The following SHQ1 variants were observed in gnomAD, a reference collection of about 807,000 sequenced individuals.
SHQ1 encodes the protein protein SHQ1 homolog.
A neutral mutation model predicts 53.8 loss-of-function variants in SHQ1; 49 were observed. The ratio of observed to expected loss-of-function variants is 0.91; its 90% CI spans 0.72 to 1.16. The LOEUF (loss-of-function observed/expected upper bound fraction) is 1.16. Among genes scored for constraint, SHQ1 ranks in the 50% most tolerant of loss-of-function variants. The probability of loss-of-function intolerance (pLI) is 0.00; values close to 1 mark genes in which losing one functional copy is unlikely to be tolerated. For synonymous variants in SHQ1, 243 were observed against 251.0 expected, an observed-to-expected ratio of 0.97 and a Z score of 0.30; for missense variants, 738 against 683.1, an observed-to-expected ratio of 1.08 and a Z score of -0.90.
At chr3:72,821,820 T>C (rs923076500) in intron 6 of SHQ1, among the ~76,000 whole-genome samples, 1 of 152,232 alleles carries the variant, frequency 6.6e-6, no homozygotes, top group South Asian at 2.1e-4. Context: ...TTTTCCCCCA[T>C]ATTTTATCCT....
At chr3:72,762,802 A>T (rs1448059120) in intron 10 of SHQ1, among the ~76,000 whole-genome samples, 1 of 151,866 alleles carries the variant, frequency 6.6e-6, no homozygotes, top group East Asian at 1.9e-4. Context: ...AGCCTCCCGA[A>T]TAATGGGGAT....
chr3:72,821,007 C>T lies in SHQ1; in HGVS notation c.727+3417G>A, dbSNP rs370135124. Among the ~76,000 whole-genome samples, 8 of 152,332 alleles carry T rather than the reference C, an allele frequency of 5.3e-5. No individual in the cohort carries two copies. The South Asian group carries it at 1.7e-3, about 32-fold the overall frequency. On this transcript the variant is annotated intron_variant, in intron 6 of 10. Transcript: ENST00000325599. ...TTCCTCTCTAAATCCCCCTCCCAAA[C>T]ATCCCTCTTATCTGGGTCAACAATT...
intron 10 of SHQ1, among the ~76,000 whole-genome samples, chr3:72,751,494 G>GTACATA (rs1431742565): frequency 6.2e-5 from 6 of 97,552 alleles, no homozygotes; most frequent in African/African-American, 3.3e-4. Context: ...GTGTGTGTGT[G>GTACATA]TGTGTGTGTG....
chr3:72,792,784 CAAAAAAA>C (rs59948195), intron 10 of SHQ1, 125 bp downstream of exon 10: 31 of 258,854 alleles, frequency 1.2e-4, no homozygotes, highest in African/African-American at 2.7e-4. Flanking sequence ...ACCTCCATCT[CAAAAAAA>C]AAAAAAAAAA....
intron 10 of SHQ1, chr3:72,752,912 C>G (rs1705418876): frequency 1.2e-6 from 1 of 869,330 alleles, no homozygotes; most frequent in South Asian, 5.3e-5. Context: ...ATCCACCTAC[C>G]TCGGCCTCCC....
At chr3:72,812,913 C>A (rs1707171895) in intron 8 of SHQ1, 119 bp from the exon 9 acceptor site, 2 of 1,020,938 alleles carry the variant, frequency 2.0e-6, no homozygotes, top group Non-Finnish European at 2.9e-6. Context: ...ATTGTGAAGC[C>A]AAGTAGAAGA....
chr3:72,803,356 T>C (rs1326824768), intron 9 of SHQ1, among the ~76,000 whole-genome samples: 1 of 152,202 alleles, frequency 6.6e-6, no homozygotes, highest in Non-Finnish European at 1.5e-5. Context: ...CATTAGTCTC[T>C]ATTTCCTTAA....
At chr3:72,817,540 A>G (rs1198153757) in intron 6 of SHQ1, among the ~76,000 whole-genome samples, 156 bp from the exon 7 acceptor site, 1 of 152,246 alleles carries the variant, frequency 6.6e-6, no homozygotes, top group African/African-American at 2.4e-5. Context: ...TAGACTTCAC[A>G]GTTTTAGTAA....
downstream of SHQ1, among the ~76,000 whole-genome samples, chr3:72,749,114 C>T (rs1000983311): frequency 2.6e-5 from 4 of 152,162 alleles, no homozygotes; most frequent in African/African-American, 7.2e-5. Flanking sequence ...GACTGGAACT[C>T]GCATAAACTA....
In SHQ1 at chr3:72,842,359, A is replaced by C; in HGVS notation, c.252T>G (p.His84Gln). The C allele has an allele frequency of 1.2e-6, 2 of 1,613,750 alleles. No homozygotes were observed. The highest frequency in any genetic ancestry group is 1.7e-6 in the Non-Finnish European group (2 of 1,179,792). ...IRLPKETPGQ[H>Q]FEGLNMLTAL... Reference sequence around the variant, plus strand: ...CAGTTAACATGTTCAGCCCCTCAAAATGCTGGCCAGGGGTTTCTTTGGGCA... The same window carrying C: ...CAGTTAACATGTTCAGCCCCTCAAACTGCTGGCCAGGGGTTTCTTTGGGCA... Residue 84 changes from histidine (H) to glutamine (Q), a missense_variant, in exon 3 of 11, where the codon CAT (histidine) becomes CAG (glutamine). Physicochemically the swap from His to Gln is conservative, Grantham distance 24. Coordinates refer to ENST00000325599, the MANE Select transcript of SHQ1 (RefSeq NM_018130.3).
intron 10 of SHQ1, among the ~76,000 whole-genome samples, chr3:72,783,723 C>T (rs1196929843): frequency 6.6e-6 from 1 of 152,086 alleles, no homozygotes; most frequent in African/African-American, 2.4e-5. Context: ...TTCTCAAATA[C>T]GTCAAACCCA....
intron 9 of SHQ1, among the ~76,000 whole-genome samples, chr3:72,801,611 A>C (rs943690032): frequency 1.3e-5 from 2 of 152,186 alleles, no homozygotes; most frequent in African/African-American, 4.8e-5. Flanking sequence ...TGTCAAGGTA[A>C]AAAAGGAGAA....
chr3:72,745,841 C>CT (rs112536732), downstream of SHQ1, among the ~76,000 whole-genome samples: 309 of 144,062 alleles, frequency 2.1e-3, 1 homozygote, highest in Middle Eastern at 3.6e-3. Flanking sequence ...TCATCTATTC[C>CT]TTTTTTTTTT....
chr3:72,749,875 G>T lies in SHQ1; in HGVS notation c.*409C>A, dbSNP rs1705327903. On this transcript the variant is annotated 3_prime_UTR_variant, in exon 11 of 11. Coordinates refer to ENST00000325599, the MANE Select transcript of SHQ1 (RefSeq NM_018130.3). ...TAAAGTTGTCCCCGTATCTGTGGGG[G>T]GTTGGTTCCAGGACTCCTGAGGATA... 4.4e-6 allele frequency: 1 copy of T among 227,982 alleles called. No homozygotes were observed. The highest frequency in any genetic ancestry group is 2.2e-5 in the African/African-American group (1 of 44,946). The allele number at this position is 227,982 out of a possible 1,614,324, so 14.1% of individuals were successfully genotyped here.
At chr3:72,822,084 G>A (rs1707494916) in intron 6 of SHQ1, among the ~76,000 whole-genome samples, 1 of 152,186 alleles carries the variant, frequency 6.6e-6, no homozygotes, top group African/African-American at 2.4e-5. Flanking sequence ...GGACAACTCT[G>A]AGGTAGGTAC....
chr3:72,823,133 A>G (rs1707532589), intron 6 of SHQ1, among the ~76,000 whole-genome samples: 1 of 145,302 alleles, frequency 6.9e-6, no homozygotes, highest in South Asian at 2.2e-4. Flanking sequence ...TGGGCGACAG[A>G]GCAAGACTCC....
intron 1 of SHQ1, among the ~76,000 whole-genome samples, chr3:72,845,828 C>G (rs1006909023): frequency 2.0e-5 from 3 of 152,150 alleles, no homozygotes; most frequent in Non-Finnish European, 4.4e-5. Flanking sequence ...TTTCCTCAAG[C>G]TTCAATACAT....
chr3:72,791,396 C>G (rs1268090358), intron 10 of SHQ1, among the ~76,000 whole-genome samples: 2 of 152,202 alleles, frequency 1.3e-5, no homozygotes, highest in Non-Finnish European at 2.9e-5. Context: ...CAAATGCTGA[C>G]ACCACCTGCT....
intron 10 of SHQ1, among the ~76,000 whole-genome samples, chr3:72,787,275 C>T (rs1173214101): frequency 1.3e-5 from 2 of 152,144 alleles, no homozygotes; most frequent in African/African-American, 4.8e-5. Flanking sequence ...ATTTCAAAAA[C>T]ACTTTTTTTC....
Sources: gnomAD v4.1 joint callset for allele counts (sites outside exome capture counted in the v4.1 genomes callset) on GRCh38, gnomAD v4.1.1 for gene constraint, MANE v1.5 for transcripts, NCBI Gene and HGNC (gene_info 2026-07-23, HGNC 2026-07-21) for gene names.